KCNQ1OT1: variants seen among roughly 807,000 people sequenced by gnomAD.
KCNQ1OT1 encodes the protein KCNQ1 antisense RNA 2 (non-protein coding).
chr11:2,668,844 C>T lies in KCNQ1OT1; in HGVS notation n.31151G>A, dbSNP rs554817968. On this transcript the variant is annotated non_coding_transcript_exon_variant, in exon 1 of 1. Transcript: ENST00000597346. The surrounding 1 kb of genome is among the most constrained non-coding windows in gnomAD (Gnocchi z 4.3). ...TCAAACATTTCCTCTCTGGATAGGG[C>T]TGTTTGTGTCCTATTTAAGAAACTT... The T allele has an allele frequency of 2.5e-6, 1 of 398,604 alleles. No individual in the cohort carries two copies. Among genetic ancestry groups the T allele is most frequent in the African/African-American group, 2.1e-5 (1 of 48,734 alleles). 24.7% of individuals were successfully genotyped at this position (398,604 alleles called of 1,614,324 possible). A position where few individuals can be genotyped will look rare whatever the true frequency, so the allele number is the denominator to read the frequency against.
chr11:2,634,860 A>T (rs934838567), exon 1 of KCNQ1OT1: 2 of 152,146 alleles, frequency 1.3e-5, no homozygotes, highest in African/African-American at 4.8e-5. Context: ...TGAATTTTTA[A>T]TGATTGCCAT....
At position 2,612,712 on chromosome 11, in the gene KCNQ1OT1, C is replaced by T. The variant is rs575256498; in HGVS notation, n.87283G>A. 29 of 398,524 alleles carry T rather than the reference C, an allele frequency of 7.3e-5. No individual in the cohort carries two copies. The highest frequency in any genetic ancestry group is 6.4e-4 in the East Asian group (18 of 28,056). The allele number at this position is 398,524 out of a possible 1,614,324, so 24.7% of individuals were successfully genotyped here. On this transcript the variant is annotated non_coding_transcript_exon_variant, in exon 1 of 1. Transcript: ENST00000597346. The surrounding 1 kb of genome is among the most constrained non-coding windows in gnomAD (Gnocchi z 5.5). ...AGTTATAATACTTACTTTGAAATCGCGCCCTAACATTTGGGGCCCTTCAGA... is the reference window on the plus strand; with the variant it reads ...AGTTATAATACTTACTTTGAAATCGTGCCCTAACATTTGGGGCCCTTCAGA...
chr11:2,618,702 A>G, exon 1 of KCNQ1OT1: 2 of 398,508 alleles, frequency 5.0e-6, no homozygotes, highest in Non-Finnish European at 8.8e-6. Flanking sequence ...TTCCAAATGA[A>G]CTTTAGAATT....
At chr11:2,672,050 C>G (rs1392731330) in exon 1 of KCNQ1OT1, 1 of 398,574 alleles carries the variant, frequency 2.5e-6, no homozygotes, top group African/African-American at 2.1e-5. Flanking sequence ...GCACTCAAGC[C>G]CAGTATCCTC....
At chr11:2,667,355 G>A (rs1850095487) in exon 1 of KCNQ1OT1, 1 of 398,608 alleles carries the variant, frequency 2.5e-6, no homozygotes, top group Admixed American at 4.4e-5. Context: ...CCTCTGCAAG[G>A]GAAAGGCCAT....
rs1848978422 is a variant in KCNQ1OT1 at position 2,611,420 on chromosome 11, C to A, written n.88575G>T. 1 of 397,736 alleles carries A rather than the reference C, an allele frequency of 2.5e-6. No homozygotes were observed. 24.6% of individuals were successfully genotyped at this position (397,736 alleles called of 1,614,324 possible). ...AGAGACAGAGTTTCACCATGTTGAC[C>A]AGGCTGGTCTTGAACTCCTGACCTC... On this transcript the variant is annotated non_coding_transcript_exon_variant, in exon 1 of 1. Transcript: ENST00000597346. The surrounding 1 kb of genome is among the most constrained non-coding windows in gnomAD (Gnocchi z 5.3).
exon 1 of KCNQ1OT1, chr11:2,631,829 C>A: frequency 2.5e-6 from 1 of 398,458 alleles, no homozygotes; most frequent in South Asian, 1.3e-4. Context: ...CTGATGCTGT[C>A]GTGTAAATAG....
chr11:2,614,244 C>G (rs982155499), exon 1 of KCNQ1OT1: 1 of 398,426 alleles, frequency 2.5e-6, no homozygotes, highest in African/African-American at 2.1e-5. Flanking sequence ...AGCTGCTGCT[C>G]TGGACTACCT....
At chr11:2,699,337 G>A in exon 1 of KCNQ1OT1, 1 of 399,144 alleles carries the variant, frequency 2.5e-6, no homozygotes, top group Non-Finnish European at 4.4e-6. Flanking sequence ...CCTCAGCAAC[G>A]CCAGTGATCA....
chr11:2,668,720 A>G lies in KCNQ1OT1; in HGVS notation n.31275T>C. ...CTCACACTCTCTCACAGACACACAC[A>G]TTGCAAATATCGCCTCCCCCTCTGC... On this transcript the variant is annotated non_coding_transcript_exon_variant, in exon 1 of 1. Transcript: ENST00000597346. The surrounding 1 kb of genome is among the most constrained non-coding windows in gnomAD (Gnocchi z 4.3). 5.0e-6 allele frequency: 2 copies of G among 398,580 alleles called. No individual in the cohort carries two copies. Among genetic ancestry groups the G allele is most frequent in the Non-Finnish European group, 8.8e-6 (2 of 226,062 alleles). The allele number at this position is 398,580 out of a possible 1,614,324, so 24.7% of individuals were successfully genotyped here. A position where few individuals can be genotyped will look rare whatever the true frequency, so the allele number is the denominator to read the frequency against.
Position 2,633,853 on chromosome 11 carries a change from A to T in KCNQ1OT1, n.66142T>A, listed in dbSNP as rs1220809874. 4 of 398,468 alleles carry T rather than the reference A, an allele frequency of 1.0e-5. No homozygotes were observed. The East Asian group carries it at 1.1e-4, about 11-fold the overall frequency. The allele number at this position is 398,468 out of a possible 1,614,324, so 24.7% of individuals were successfully genotyped here. ...CAAGTCCCAGAGTCAGCCCTGTGTA[A>T]TGCGCATATACAAAATGTCAGTCAT... On this transcript the variant is annotated non_coding_transcript_exon_variant, in exon 1 of 1. Transcript: ENST00000597346.
Position 2,671,792 on chromosome 11 carries a change from G to T in KCNQ1OT1, n.28203C>A. The stretch of plus-strand genomic sequence containing the variant: ...ACATAATCATTCTGACCCAGTCAGG[G>T]TTCTTCCCCCAAATAAATCCCTGCA... On this transcript the variant is annotated non_coding_transcript_exon_variant, in exon 1 of 1. Transcript: ENST00000597346. This position sits in a 1 kb window ranked among gnomAD's most constrained non-coding sequence, Gnocchi z 4.7. 1 of 398,702 alleles carries T rather than the reference G, an allele frequency of 2.5e-6. No homozygotes were observed. The highest frequency in any genetic ancestry group is 4.4e-6 in the Non-Finnish European group (1 of 226,124). The allele number at this position is 398,702 out of a possible 1,614,324, so 24.7% of individuals were successfully genotyped here.
Position 2,653,262 on chromosome 11 carries a change from C to T in KCNQ1OT1, n.46733G>A, listed in dbSNP as rs12364218. On this transcript the variant is annotated non_coding_transcript_exon_variant, in exon 1 of 1. Transcript: ENST00000597346. The surrounding 1 kb of genome is among the most constrained non-coding windows in gnomAD (Gnocchi z 5.3). ...TTCCCACAAGCCTTCTCCCTGCCCT[C>T]TGCCCTGAAAACTAGTGGGGGCAGT... 2.5e-6 allele frequency: 1 copy of T among 398,760 alleles called. No homozygotes were observed. Among genetic ancestry groups the T allele is most frequent in the Admixed American group, 4.4e-5 (1 of 22,742 alleles). 24.7% of individuals were successfully genotyped at this position (398,760 alleles called of 1,614,324 possible).
chr11:2,683,456 A>G lies in KCNQ1OT1; in HGVS notation n.16539T>C, dbSNP rs1850431825. 2.5e-6 allele frequency: 1 copy of G among 398,676 alleles called. No individual in the cohort carries two copies. Among genetic ancestry groups the G allele is most frequent in the Admixed American group, 4.4e-5 (1 of 22,748 alleles). 24.7% of individuals were successfully genotyped at this position (398,676 alleles called of 1,614,324 possible). On this transcript the variant is annotated non_coding_transcript_exon_variant, in exon 1 of 1. Coordinates refer to ENST00000597346, the Ensembl canonical transcript of KCNQ1OT1. This position sits in a 1 kb window ranked among gnomAD's most constrained non-coding sequence, Gnocchi z 4.7. ...AACTGGAAAAATGTAGGAATTACAT[A>G]TGATTCCATCAATGACAGTTTTCCT...
At position 2,682,457 on chromosome 11, in the gene KCNQ1OT1, C is replaced by T. The variant is rs890090408; in HGVS notation, n.17538G>A. Reference sequence around the variant, plus strand: ...TAATCCATATGGAGCCTGTCACGGACCCTCAGTGAATGTTTGACGAGTGAG... The same window carrying T: ...TAATCCATATGGAGCCTGTCACGGATCCTCAGTGAATGTTTGACGAGTGAG... On this transcript the variant is annotated non_coding_transcript_exon_variant, in exon 1 of 1. Transcript: ENST00000597346. The surrounding 1 kb of genome is among the most constrained non-coding windows in gnomAD (Gnocchi z 5.8). The T allele has an allele frequency of 5.1e-6, 2 of 393,362 alleles. No homozygotes were observed. Among genetic ancestry groups the T allele is most frequent in the African/African-American group, 4.3e-5 (2 of 46,158 alleles). The allele number at this position is 393,362 out of a possible 1,614,324, so 24.4% of individuals were successfully genotyped here.
exon 1 of KCNQ1OT1, chr11:2,614,987 T>C (rs1229294122): frequency 5.0e-6 from 2 of 398,326 alleles, no homozygotes; most frequent in African/African-American, 4.1e-5. Context: ...CTGGGTAATA[T>C]CGCCAACTTA....
chr11:2,631,030 A>G (rs1013599673), exon 1 of KCNQ1OT1: 2 of 398,374 alleles, frequency 5.0e-6, no homozygotes, highest in African/African-American at 4.1e-5. Context: ...CATTTTTTAC[A>G]TTTTGATGGC....
At chr11:2,681,969 G>A (rs1472942687) in exon 1 of KCNQ1OT1, 1 of 398,452 alleles carries the variant, frequency 2.5e-6, no homozygotes, top group South Asian at 1.3e-4. Flanking sequence ...CTTCCTGTTT[G>A]CCAGGCAAAT....
Position 2,690,602 on chromosome 11 carries a change from C to T in KCNQ1OT1, n.9393G>A. ...ACCCACCTCCTGGCAGGGAGTGGGG[C>T]ACACATATGTGCATGTTCATATATG... On this transcript the variant is annotated non_coding_transcript_exon_variant, in exon 1 of 1. Transcript: ENST00000597346. The surrounding 1 kb of genome is among the most constrained non-coding windows in gnomAD (Gnocchi z 5.1). 2.5e-6 allele frequency: 1 copy of T among 398,646 alleles called. No homozygotes were observed. Among genetic ancestry groups the T allele is most frequent in the Non-Finnish European group, 4.4e-6 (1 of 226,092 alleles). The allele number at this position is 398,646 out of a possible 1,614,324, so 24.7% of individuals were successfully genotyped here.
Sources: gnomAD v4.1 joint callset for allele counts on GRCh38, gnomAD v4.1.1 for gene constraint, Gnocchi (gnomAD v3.1) non-coding constraint, MANE v1.5 for transcripts, NCBI Gene and HGNC (gene_info 2026-07-23, HGNC 2026-07-21) for gene names.